The following NIPSNAP3B variants were observed in gnomAD, a reference collection of about 807,000 sequenced individuals.
NIPSNAP3B encodes nipsnap homolog 3B, also known as protein NipSnap homolog 3B.
Under a neutral mutation model 31.5 loss-of-function variants are expected in NIPSNAP3B, and 30 were observed. The observed-to-expected ratio is 0.95, with a 90% CI of 0.71 to 1.29. The LOEUF is 1.29. Ranked by LOEUF, NIPSNAP3B falls within the 50% of genes most tolerant of loss-of-function variation. NIPSNAP3B has a pLI of 0.00. For missense variants in NIPSNAP3B, 269 were observed against 300.7 expected, an observed-to-expected ratio of 0.89 and a Z score of 0.78; for synonymous variants, 106 against 107.9, an observed-to-expected ratio of 0.98 and a Z score of 0.11.
At chr9:104,783,403 A>C in the NIPSNAP3B span, 1 of 152,236 alleles carries the variant, frequency 6.6e-6, no homozygotes, top group African/African-American at 2.4e-5. Context: ...GTTAGCAGAC[A>C]GTCAGGACAA....
At chr9:104,786,437 A>G in the NIPSNAP3B span, 1 of 1,501,192 alleles carries the variant, frequency 6.7e-7, no homozygotes, top group Middle Eastern at 1.7e-4. Flanking sequence ...GATTCTCTGT[A>G]ACCATGAGAA....
the NIPSNAP3B span, among the ~76,000 whole-genome samples, chr9:104,787,409 A>G: frequency 1.3e-5 from 2 of 151,890 alleles, no homozygotes; most frequent in Non-Finnish European, 2.9e-5. Flanking sequence ...TGTTAGCCTT[A>G]CAGAAACAAA....
chr9:104,778,961 C>T (rs10124469), downstream of NIPSNAP3B, among the ~76,000 whole-genome samples: 5,892 of 152,218 alleles, frequency 0.039, 307 homozygotes, highest in East Asian at 0.22. Context: ...CCAGTTCCAC[C>T]CCCTGCCACT....
chr9:104,779,893 T>G (rs1828432017), downstream of NIPSNAP3B, among the ~76,000 whole-genome samples: 1 of 152,114 alleles, frequency 6.6e-6, no homozygotes, highest in South Asian at 2.1e-4. Flanking sequence ...TAGCTGGTTG[T>G]GGTGGCGCAT....
Position 104,772,805 on chromosome 9 carries a change from GT to G in NIPSNAP3B, c.581-16del. 6.2e-7 allele frequency: 1 copy of G among 1,608,542 alleles called. No homozygotes were observed. The highest frequency in any genetic ancestry group is 8.5e-7 in the Non-Finnish European group (1 of 1,176,976). On this transcript the variant is annotated splice_polypyrimidine_tract_variant and intron_variant, in intron 4 of 5. Coordinates refer to ENST00000374762, the MANE Select transcript of NIPSNAP3B (RefSeq NM_018376.4). Reference sequence around the variant, plus strand: ...TTGCCATATATTTCAGAAACTACTTGTGGTTTATTTCTGCAGTTCATGTTCT... The same window carrying G: ...TTGCCATATATTTCAGAAACTACTTGGGTTTATTTCTGCAGTTCATGTTCT...
downstream of NIPSNAP3B, among the ~76,000 whole-genome samples, chr9:104,779,298 C>G (rs1163000627): frequency 1.3e-5 from 2 of 152,142 alleles, no homozygotes; most frequent in African/African-American, 4.8e-5. Context: ...TTCATTAGAG[C>G]AGGAATTCTA....
intron 1 of NIPSNAP3B, among the ~76,000 whole-genome samples, chr9:104,765,339 T>G (rs554139654): frequency 6.6e-6 from 1 of 152,338 alleles, no homozygotes. Flanking sequence ...AATTGTCACA[T>G]GCTAACCATG....
the NIPSNAP3B span, among the ~76,000 whole-genome samples, chr9:104,787,648 T>C: frequency 6.6e-6 from 1 of 152,192 alleles, no homozygotes; most frequent in African/African-American, 2.4e-5. Context: ...AGAAAGAATG[T>C]TCCAGAGAAA....
At chr9:104,770,795 T>C in intron 3 of NIPSNAP3B, 54 bp from the exon 4 acceptor site, 1 of 1,544,546 alleles carries the variant, frequency 6.5e-7, no homozygotes, top group South Asian at 1.1e-5. Context: ...GAAAACCTGG[T>C]TAGAAATTGT....
rs758052126 is a variant in NIPSNAP3B at position 104,766,325 on chromosome 9, G to T, written c.61G>T (p.Val21Leu). The change falls in exon 2 of 6, where the codon GTG (valine) becomes TTG (leucine). Residue 21 changes from valine (V) to leucine (L), a missense_variant and splice_region_variant. Coordinates refer to ENST00000374762, the MANE Select transcript of NIPSNAP3B (RefSeq NM_018376.4). ...ALASRTLAPQVCSSFATGPRQ... is the reference protein window; with the variant it reads ...ALASRTLAPQLCSSFATGPRQ... ...TTTACATTTGTCTTACCTCCTTCAG[G>T]TGTGTTCATCTTTTGCTACGGGCCC... 3.1e-6 allele frequency: 5 copies of T among 1,612,710 alleles called. No individual in the cohort carries two copies. The East Asian group carries it at 6.7e-5, about 22-fold the overall frequency.
chr9:104,776,930 C>A lies in NIPSNAP3B; in HGVS notation c.*3857C>A, dbSNP rs1828349840. Among the ~76,000 whole-genome samples, 1 of 152,062 alleles carries A rather than the reference C, an allele frequency of 6.6e-6. No individual in the cohort carries two copies. The highest frequency in any genetic ancestry group is 6.6e-5 in the Admixed American group (1 of 15,266). On this transcript the variant is annotated 3_prime_UTR_variant, in exon 6 of 6. Transcript: ENST00000374762. Reference sequence around the variant, plus strand: ...CATTCCTTCACATGTCATTTTGAGCCACTGTTAACAGATTACATAACTGTT... The same window carrying A: ...CATTCCTTCACATGTCATTTTGAGCAACTGTTAACAGATTACATAACTGTT...
downstream of NIPSNAP3B, among the ~76,000 whole-genome samples, chr9:104,779,672 GT>G (rs1434870355): frequency 6.7e-6 from 1 of 148,784 alleles, no homozygotes; most frequent in Non-Finnish European, 1.5e-5. Flanking sequence ...AAAGTGCCAA[GT>G]TTTTTGAATC....
chr9:104,782,074 G>A (rs775869506), downstream of NIPSNAP3B: 5 of 152,038 alleles, frequency 3.3e-5, no homozygotes, highest in Non-Finnish European at 5.9e-5. Context: ...CAGAGGAACC[G>A]AAGTAAGGAG....
the NIPSNAP3B span, chr9:104,786,395 G>A: frequency 2.2e-5 from 35 of 1,613,078 alleles, 1 homozygote; most frequent in East Asian, 8.9e-5. Flanking sequence ...TCCATACTGC[G>A]GTAAAACAGA....
chr9:104,785,625 TA>T, the NIPSNAP3B span: 1 of 1,614,028 alleles, frequency 6.2e-7, no homozygotes, highest in Non-Finnish European at 8.5e-7. Context: ...AACTATTGTA[TA>T]ACCATCTCCA....
the NIPSNAP3B span, chr9:104,784,046 A>C: frequency 2.3e-6 from 1 of 431,538 alleles, no homozygotes; most frequent in Non-Finnish European, 4.2e-6. Context: ...TGGGTTCCAT[A>C]ATAGAGTTTC....
At chr9:104,765,930 A>G (rs913451963) in intron 1 of NIPSNAP3B, among the ~76,000 whole-genome samples, 4 of 152,282 alleles carry the variant, frequency 2.6e-5, no homozygotes, top group Admixed American at 1.3e-4. Context: ...ATTTTTTTCA[A>G]TGTGTGGAAC....
the NIPSNAP3B span, among the ~76,000 whole-genome samples, chr9:104,790,677 G>T: frequency 6.6e-6 from 1 of 152,044 alleles, no homozygotes; most frequent in Non-Finnish European, 1.5e-5. Context: ...AAATTATATT[G>T]TATGTAAATT....
chr9:104,769,907 T>C (rs1040700850), intron 3 of NIPSNAP3B, among the ~76,000 whole-genome samples: 1 of 152,216 alleles, frequency 6.6e-6, no homozygotes, highest in African/African-American at 2.4e-5. Flanking sequence ...ATTTCACTTC[T>C]TGCTCACTAA....
Sources: gnomAD v4.1 joint callset for allele counts (sites outside exome capture counted in the v4.1 genomes callset) on GRCh38, gnomAD v4.1.1 for gene constraint, MANE v1.5 for transcripts, NCBI Gene and HGNC (gene_info 2026-07-23, HGNC 2026-07-21) for gene names.